Variants in GDNF observed in about 807,000 individuals in gnomAD.
The protein encoded by GDNF is glial cell line-derived neurotrophic factor.
A neutral mutation model predicts 13.7 loss-of-function variants in GDNF; 5 were observed. The ratio of observed to expected loss-of-function variants is 0.36; its 90% CI spans 0.19 to 0.77. The LOEUF is 0.77. Among genes scored for constraint, GDNF ranks in the 30% least tolerant of loss-of-function variants. The pLI, the probability that GDNF is intolerant of heterozygous loss-of-function variation, is 0.51. For synonymous variants in GDNF, 122 were observed against 112.5 expected (o/e 1.08, Z -0.53); for missense variants, 246 against 274.3 (o/e 0.90, Z 0.73).
intron 1 of GDNF, 67 bp from the exon 2 acceptor site, chr5:37,834,889 G>GGTCCCTGCGC (rs2111722130): frequency 6.9e-7 from 1 of 1,449,436 alleles, no homozygotes; most frequent in East Asian, 2.3e-5. Flanking sequence ...GCTCCCTGCG[G>GGTCCCTGCGC]GTCCCTGCGC....
intron 1 of GDNF, chr5:37,835,340 C>T (rs1750668277): frequency 1.0e-5 from 8 of 768,514 alleles, no homozygotes; most frequent in Non-Finnish European, 3.8e-6. Context: ...TCCCCTGCCT[C>T]GGGTCCCAAC....
rs192159042 is a variant in GDNF, at chr5:37,837,299, C to A, written c.-27+2208G>T. On this transcript the variant is annotated intron_variant, in intron 1 of 2. Transcript: ENST00000326524. The surrounding 1 kb of genome is among the most constrained non-coding windows in gnomAD (Gnocchi z 6.5). Reference sequence around the variant, plus strand: ...CCGCGGTGCAAACTGCTTTACGCGCCGCCACGTGCGAGAACCAAGCTCTGC... The same window carrying A: ...CCGCGGTGCAAACTGCTTTACGCGCAGCCACGTGCGAGAACCAAGCTCTGC... 1.6e-4 allele frequency among the ~76,000 whole-genome samples: 24 copies of A among 152,356 alleles called. No individual in the cohort carries two copies. The highest frequency in any genetic ancestry group is 1.2e-3 in the Admixed American group (19 of 15,308).
chr5:37,834,701 G>A lies in GDNF; in HGVS notation c.96C>T (p.Pro32=), dbSNP rs763048824. ...GGCGGCCGAGGGAGCGGTCTTCGGC[G>A]GGCGCCTCGGGAGGCCTCTTACCGG... ...LPAGKRPPEA[P]AEDRSLGRRR... Residue 32 remains proline (P), a synonymous_variant, in exon 2 of 3, where the codon CCC becomes CCT. Coordinates refer to ENST00000326524, the MANE Select transcript of GDNF (RefSeq NM_000514.4). The A allele has an allele frequency of 3.1e-6, 5 of 1,609,792 alleles. No homozygotes were observed. In the African/African-American group the frequency reaches 4.0e-5, roughly 13 times the overall value.
chr5:37,817,166 G>A (rs1463323390), intron 2 of GDNF, among the ~76,000 whole-genome samples: 1 of 152,198 alleles, frequency 6.6e-6, no homozygotes, highest in East Asian at 1.9e-4. Flanking sequence ...ACACTAAGAT[G>A]TCTGAGACCT....
chr5:37,828,933 C>T (rs1016186506), intron 2 of GDNF, among the ~76,000 whole-genome samples: 2 of 152,238 alleles, frequency 1.3e-5, no homozygotes, highest in African/African-American at 4.8e-5. Context: ...AAAAGACATG[C>T]TTACGGCATA....
At position 37,838,316 on chromosome 5, in the gene GDNF, G is replaced by A. The variant is rs1419566374; in HGVS notation, c.-27+1191C>T. On this transcript the variant is annotated intron_variant, in intron 1 of 2. Coordinates refer to ENST00000326524, the MANE Select transcript of GDNF (RefSeq NM_000514.4). This position sits in a 1 kb window ranked among gnomAD's most constrained non-coding sequence, Gnocchi z 4.1. ...TTGTTGAAAAGGCGCCACCTTCCCT[G>A]ACAAAGCGAAGGCGCAGCGAAACAG... is the stretch of plus-strand genomic sequence containing the variant. Among the ~76,000 whole-genome samples, 1 of 152,246 alleles carries A rather than the reference G, an allele frequency of 6.6e-6. No homozygotes were observed. The highest frequency in any genetic ancestry group is 2.4e-5 in the African/African-American group (1 of 41,466).
Position 37,837,934 on chromosome 5 carries a change from A to C in GDNF, c.-27+1573T>G, listed in dbSNP as rs1481751049. Among the ~76,000 whole-genome samples the C allele has an allele frequency of 1.3e-5, 2 of 150,752 alleles. No homozygotes were observed. Among genetic ancestry groups the C allele is most frequent in the Non-Finnish European group, 2.9e-5 (2 of 67,910 alleles). On this transcript the variant is annotated intron_variant, in intron 1 of 2. Transcript: ENST00000326524. The surrounding 1 kb of genome is among the most constrained non-coding windows in gnomAD (Gnocchi z 6.5). Reference sequence around the variant, plus strand: ...TGTTTGGGCTTTGCCTTCAAGATCCAGGTCTCAGAGAGAGAAAAAGGAGGC... The same window carrying C: ...TGTTTGGGCTTTGCCTTCAAGATCCCGGTCTCAGAGAGAGAAAAAGGAGGC...
rs17379771 is a variant in GDNF, at chr5:37,813,489, C to A, written c.*2162G>T. On this transcript the variant is annotated 3_prime_UTR_variant, in exon 3 of 3. Transcript: ENST00000326524. ...GTGTGTCATACATGTGTTGGCTGCC[C>A]GATAAATTCACAATCTAGGGCATGG... 0.3 allele frequency: 44,910 copies of A among 150,840 alleles called. 7,232 individuals carry two copies. The highest frequency in any genetic ancestry group is 0.38 in the Middle Eastern group (112 of 294). The allele number at this position is 150,840 out of a possible 1,614,324, so 9.3% of individuals were successfully genotyped here.
At chr5:37,819,921 A>G (rs530796078) in intron 2 of GDNF, among the ~76,000 whole-genome samples, 49 of 152,350 alleles carry the variant, frequency 3.2e-4, no homozygotes, top group African/African-American at 8.9e-4. Flanking sequence ...ATTTCTTTCA[A>G]TAATAAGCTA....
chr5:37,832,382 T>C (rs1295886053), intron 2 of GDNF, among the ~76,000 whole-genome samples: 2 of 152,202 alleles, frequency 1.3e-5, no homozygotes. Flanking sequence ...CTGCATACTG[T>C]CATTATTTTG....
intron 2 of GDNF, among the ~76,000 whole-genome samples, chr5:37,833,723 C>T (rs1750602321): frequency 6.6e-6 from 1 of 152,174 alleles, no homozygotes; most frequent in Non-Finnish European, 1.5e-5. Flanking sequence ...TAGTTACACA[C>T]AGCTCATTCC....
chr5:37,836,661 T>C (rs1375978307), intron 1 of GDNF, among the ~76,000 whole-genome samples: 3 of 152,174 alleles, frequency 2.0e-5, no homozygotes, highest in Admixed American at 6.5e-5. Context: ...GCTTCCCCCC[T>C]CAAGCCCCCC....
chr5:37,828,574 A>G (rs1411375365), intron 2 of GDNF, among the ~76,000 whole-genome samples: 1 of 152,240 alleles, frequency 6.6e-6, no homozygotes, highest in African/African-American at 2.4e-5. Context: ...TAATATGCAC[A>G]CACAGTCTGT....
intron 2 of GDNF, among the ~76,000 whole-genome samples, chr5:37,825,360 G>T (rs1304475097): frequency 6.6e-6 from 1 of 152,126 alleles, no homozygotes; most frequent in Non-Finnish European, 1.5e-5. Context: ...CAGTAATACA[G>T]CACAGTCCCC....
intron 1 of GDNF, chr5:37,835,727 T>G: frequency 7.4e-7 from 1 of 1,345,716 alleles, no homozygotes; most frequent in Non-Finnish European, 1.0e-6. Flanking sequence ...TTTGCACCTT[T>G]GAGAGATTCT....
At chr5:37,825,375 G>C (rs1035831179) in intron 2 of GDNF, among the ~76,000 whole-genome samples, 1 of 152,132 alleles carries the variant, frequency 6.6e-6, no homozygotes, top group Admixed American at 6.5e-5. Flanking sequence ...GTCCCCCTGG[G>C]TGGAAAGTGT....
intron 2 of GDNF, among the ~76,000 whole-genome samples, chr5:37,820,253 A>C (rs1750085326): frequency 6.6e-6 from 1 of 152,232 alleles, no homozygotes; most frequent in South Asian, 2.1e-4. Context: ...AGAGTCACAG[A>C]AGTTTAAATC....
intron 2 of GDNF, among the ~76,000 whole-genome samples, chr5:37,818,388 C>G (rs1411629957): frequency 1.3e-5 from 2 of 152,132 alleles, no homozygotes; most frequent in Non-Finnish European, 2.9e-5. Flanking sequence ...AAGTGCAGTT[C>G]CCCTGCCTGC....
chr5:37,829,910 T>C (rs979431593), intron 2 of GDNF, among the ~76,000 whole-genome samples: 20 of 151,716 alleles, frequency 1.3e-4, no homozygotes, highest in Admixed American at 7.2e-4. Flanking sequence ...AAGAGTCTGA[T>C]GTGCAGTTTC....
Sources: gnomAD v4.1 joint callset for allele counts (sites outside exome capture counted in the v4.1 genomes callset) on GRCh38, gnomAD v4.1.1 for gene constraint, Gnocchi (gnomAD v3.1) non-coding constraint, MANE v1.5 for transcripts, NCBI Gene and HGNC (gene_info 2026-07-23, HGNC 2026-07-21) for gene names.